The following FMN2 variants were observed in gnomAD, a reference collection of about 807,000 sequenced individuals.
FMN2 encodes formin 2, also known as formin-2.
In FMN2, 51 loss-of-function variants were observed where a neutral mutation model predicts 142.3. That is an observed-to-expected ratio of 0.36 (90% CI 0.29 to 0.45). The LOEUF (loss-of-function observed/expected upper bound fraction) is 0.45. Ranked by LOEUF, FMN2 falls within the 20% of genes least tolerant of loss-of-function variation. The pLI is 1.00. For missense variants in FMN2, 1,936 were observed against 2,122.8 expected (o/e 0.91, Z 1.73); for synonymous variants, 882 against 869.8 (o/e 1.01, Z -0.25).
intron 8 of FMN2, among the ~76,000 whole-genome samples, chr1:240,322,241 C>A (rs186298670): frequency 3.9e-5 from 6 of 152,204 alleles, no homozygotes; most frequent in Admixed American, 1.3e-4. Flanking sequence ...GTTGAGGACC[C>A]TCTGTAATCC....
intron 15 of FMN2, among the ~76,000 whole-genome samples, chr1:240,429,972 G>A (rs1675089757): frequency 6.7e-6 from 1 of 150,350 alleles, no homozygotes; most frequent in Non-Finnish European, 1.5e-5. Context: ...TGCAAGCTCT[G>A]CCTCCCGGGT....
chr1:240,107,259 G>T (rs916843408), intron 1 of FMN2, among the ~76,000 whole-genome samples: 1 of 152,010 alleles, frequency 6.6e-6, no homozygotes, highest in Non-Finnish European at 1.5e-5. Context: ...GATCAAATGG[G>T]GTGGTCGTAG....
intron 6 of FMN2, among the ~76,000 whole-genome samples, chr1:240,248,725 C>T (rs1668174211): frequency 6.6e-6 from 1 of 151,728 alleles, no homozygotes; most frequent in African/African-American, 2.4e-5. Flanking sequence ...TATTCACATC[C>T]TTGCCAGAAT....
At chr1:240,447,661 G>T (rs116261057) in intron 16 of FMN2, among the ~76,000 whole-genome samples, 8 of 152,258 alleles carry the variant, frequency 5.3e-5, no homozygotes, top group South Asian at 2.1e-4. Context: ...AACCTAATAC[G>T]TGGGGCCTGA....
chr1:240,413,444 AC>A (rs1047516186), intron 15 of FMN2, among the ~76,000 whole-genome samples: 1 of 152,082 alleles, frequency 6.6e-6, no homozygotes, highest in African/African-American at 2.4e-5. Context: ...CAGTAGGTGG[AC>A]CAACTCATCA....
At chr1:240,360,375 A>G (rs937588173) in intron 14 of FMN2, among the ~76,000 whole-genome samples, 1 of 152,204 alleles carries the variant, frequency 6.6e-6, no homozygotes, top group Non-Finnish European at 1.5e-5. Context: ...TTTCACTGCA[A>G]GAGAAGGAAA....
At chr1:240,252,053 C>T (rs747663305) in intron 6 of FMN2, among the ~76,000 whole-genome samples, 6 of 152,194 alleles carry the variant, frequency 3.9e-5, no homozygotes, top group East Asian at 1.9e-4. Flanking sequence ...GGATTACAGA[C>T]GCCCGCCATC....
chr1:240,199,014 A>G (rs1666031813), intron 4 of FMN2, among the ~76,000 whole-genome samples: 1 of 152,150 alleles, frequency 6.6e-6, no homozygotes, highest in Non-Finnish European at 1.5e-5. Context: ...CTGATGAGGG[A>G]GAATCGCTTG....
chr1:240,291,725 T>C (rs1484322405), intron 7 of FMN2, among the ~76,000 whole-genome samples: 3 of 150,650 alleles, frequency 2.0e-5, no homozygotes, highest in African/African-American at 7.3e-5. Flanking sequence ...GTAGATGCAG[T>C]TGGAATGGAT....
chr1:240,221,226 T>C (rs1667099231), intron 6 of FMN2, among the ~76,000 whole-genome samples: 1 of 152,194 alleles, frequency 6.6e-6, no homozygotes, highest in African/African-American at 2.4e-5. Flanking sequence ...CCTTTGAGTA[T>C]ATACCCAGTA....
chr1:240,145,635 G>A lies in FMN2; in HGVS notation c.1782+22290G>A, dbSNP rs187870691. 2.8e-3 allele frequency among the ~76,000 whole-genome samples: 399 copies of A among 143,052 alleles called. 3 individuals are homozygous for A. Among genetic ancestry groups the A allele is most frequent in the South Asian group, 1.3e-3 (6 of 4,472 alleles). The allele number at this position is 143,052 out of a possible 152,430, so 93.8% of individuals were successfully genotyped here. ...TATGACACTGCAGCTTCAGACTGTCGAGTAGCGAGGACCACAGGCACGTAC... is the reference window on the plus strand; with the variant it reads ...TATGACACTGCAGCTTCAGACTGTCAAGTAGCGAGGACCACAGGCACGTAC... On this transcript the variant is annotated intron_variant, in intron 2 of 17. Transcript: ENST00000319653.
Position 240,230,786 on chromosome 1 carries a change from A to G in FMN2, c.4065+19551A>G, listed in dbSNP as rs565017868. Among the ~76,000 whole-genome samples, 136 of 132,004 alleles carry G rather than the reference A, an allele frequency of 1.0e-3. 30 individuals carry two copies. The highest frequency in any genetic ancestry group is 1.7e-3 in the Admixed American group (24 of 13,814). The allele number at this position is 132,004 out of a possible 152,430, so 86.6% of individuals were successfully genotyped here. ...TGTACTTAATTACCCCTGTAAGTAAAGCTTTTCATAATTAGGATGGAATTT... is the reference window on the plus strand; with the variant it reads ...TGTACTTAATTACCCCTGTAAGTAAGGCTTTTCATAATTAGGATGGAATTT... On this transcript the variant is annotated intron_variant, in intron 6 of 17. Coordinates refer to ENST00000319653, the MANE Select transcript of FMN2 (RefSeq NM_020066.5).
chr1:240,371,130 G>GT (rs1248555652), intron 14 of FMN2, among the ~76,000 whole-genome samples: 21 of 150,340 alleles, frequency 1.4e-4, no homozygotes, highest in East Asian at 2.0e-4. Flanking sequence ...TTGTTTTTTG[G>GT]TTTTTTTTTG....
chr1:240,231,656 A>G (rs1051504089), intron 6 of FMN2, among the ~76,000 whole-genome samples: 2 of 152,184 alleles, frequency 1.3e-5, no homozygotes, highest in African/African-American at 2.4e-5. Context: ...TTGAAATAAT[A>G]ATTAGGTTTG....
chr1:240,251,195 G>T (rs1181866653), intron 6 of FMN2, among the ~76,000 whole-genome samples: 1 of 151,598 alleles, frequency 6.6e-6, no homozygotes, highest in Non-Finnish European at 1.5e-5. Flanking sequence ...CTACTTTTTT[G>T]ATGTAGGCGT....
chr1:240,143,063 G>C, intron 2 of FMN2: 1 of 1,504,516 alleles, frequency 6.6e-7, no homozygotes, highest in Non-Finnish European at 9.2e-7. Context: ...AGGGGCAGAG[G>C]GTAAGTGTAC....
chr1:240,392,687 A>C (rs559474271), intron 15 of FMN2, 125 bp downstream of exon 15: 1 of 710,498 alleles, frequency 1.4e-6, no homozygotes, highest in Non-Finnish European at 2.3e-6. Flanking sequence ...ATCTAATAAA[A>C]TGGTGTGCTC....
intron 4 of FMN2, among the ~76,000 whole-genome samples, chr1:240,201,770 G>T (rs1176674020): frequency 6.6e-6 from 1 of 151,798 alleles, no homozygotes; most frequent in Non-Finnish European, 1.5e-5. Context: ...CTGAAGTATT[G>T]GTACCTGGGT....
At chr1:240,095,193 C>T (rs1269818869) in intron 1 of FMN2, among the ~76,000 whole-genome samples, 2 of 152,072 alleles carry the variant, frequency 1.3e-5, no homozygotes, top group East Asian at 3.8e-4. Context: ...GGTAAGAAAT[C>T]ACATATTTTC....
Sources: gnomAD v4.1 joint callset for allele counts (sites outside exome capture counted in the v4.1 genomes callset) on GRCh38, gnomAD v4.1.1 for gene constraint, MANE v1.5 for transcripts, NCBI Gene and HGNC (gene_info 2026-07-23, HGNC 2026-07-21) for gene names.